TLE2: variants seen among roughly 807,000 people sequenced by gnomAD.
The protein encoded by TLE2 is TLE family member 2, transcriptional corepressor, also known as transducin-like enhancer protein 2.
A neutral mutation model predicts 97.2 loss-of-function variants in TLE2; 74 were observed. The ratio of observed to expected loss-of-function variants is 0.76; its 90% CI spans 0.63 to 0.92. The LOEUF is 0.92. Among genes scored for constraint, TLE2 ranks in the 40% least tolerant of loss-of-function variants. The pLI is 0.00. For missense variants in TLE2, 1,038 were observed against 1,008.7 expected (o/e 1.03, Z -0.39); for synonymous variants, 499 against 432.1 (o/e 1.15, Z -1.92).
intron 4 of TLE2, 181 bp from the exon 5 acceptor site, chr19:3,025,263 G>T (rs918526369): frequency 3.9e-5 from 43 of 1,115,056 alleles, no homozygotes; most frequent in Non-Finnish European, 5.1e-5. Context: ...GCCCCACCAG[G>T]CTGCGTGCTC....
At chr19:3,029,437 G>A (rs2090002572), upstream of TLE2, 1 of 932,096 alleles carries the variant, frequency 1.1e-6, no homozygotes, top group Non-Finnish European at 1.3e-6. Context: ...GGGCCGTTGG[G>A]GAAACTGAGG....
In TLE2 at chr19:3,019,269, T is replaced by A; in HGVS notation, c.550+14A>T. On this transcript the variant is annotated intron_variant, in intron 7 of 19. Coordinates refer to ENST00000262953, the MANE Select transcript of TLE2 (RefSeq NM_003260.5). The surrounding 1 kb of genome is among the most constrained non-coding windows in gnomAD (Gnocchi z 5.1). ...CGTCTCCCCAGCCAATGCCACCCCGTGCTGCCCACTCACCTCTGGACCCCT... is the reference window on the plus strand; with the variant it reads ...CGTCTCCCCAGCCAATGCCACCCCGAGCTGCCCACTCACCTCTGGACCCCT... 6.4e-7 allele frequency: 1 copy of A among 1,568,148 alleles called. No individual in the cohort carries two copies. Among genetic ancestry groups the A allele is most frequent in the Non-Finnish European group, 8.6e-7 (1 of 1,165,366 alleles).
At chr19:3,014,748 C>T (rs1272166388) in intron 9 of TLE2, 134 bp from the exon 10 acceptor site, 4 of 828,308 alleles carry the variant, frequency 4.8e-6, no homozygotes, top group Middle Eastern at 2.5e-4. Flanking sequence ...CCACTGCACC[C>T]GTTTGCTCAT....
At position 3,021,729 on chromosome 19, in the gene TLE2, C is replaced by T. The variant is rs562519067; in HGVS notation, c.295-1956G>A. On this transcript the variant is annotated intron_variant, in intron 5 of 19. Coordinates refer to ENST00000262953, the MANE Select transcript of TLE2 (RefSeq NM_003260.5). ...TCCCAAGTAGGTGAGATTACAGGTG[C>T]GCACCACCACACCCAACTAATTTTC... 7.3e-5 allele frequency among the ~76,000 whole-genome samples: 11 copies of T among 151,678 alleles called. No homozygotes were observed. In the East Asian group the frequency reaches 1.0e-3, roughly 14 times the overall value.
chr19:3,024,409 T>C (rs937439336), intron 5 of TLE2, among the ~76,000 whole-genome samples: 5 of 152,024 alleles, frequency 3.3e-5, no homozygotes, highest in Admixed American at 2.6e-4. Flanking sequence ...AATTTTCCCA[T>C]CTTCCCAAAC....
In TLE2 at chr19:3,025,355, A is replaced by G. The variant is rs962838555; in HGVS notation, c.232-273T>C. 3.4e-5 allele frequency: 42 copies of G among 1,230,094 alleles called. 1 individual carries two copies. Among genetic ancestry groups the G allele is most frequent in the Non-Finnish European group, 3.8e-5 (37 of 983,198 alleles). The allele number at this position is 1,230,094 out of a possible 1,614,324, so 76.2% of individuals were successfully genotyped here. ...GAGTCACAGATACACCACCCGCCAG[A>G]CGCACACCCGCCAGGGATTTGCAGG... On this transcript the variant is annotated intron_variant, in intron 4 of 19. Transcript: ENST00000262953.
chr19:3,015,653 A>C lies in TLE2; in HGVS notation c.678T>G (p.Tyr226Ter). 4.4e-6 allele frequency: 7 copies of C among 1,605,646 alleles called. No individual in the cohort carries two copies. Among genetic ancestry groups the C allele is most frequent in the Non-Finnish European group, 5.9e-6 (7 of 1,176,796 alleles). The change falls in exon 9 of 20, where the codon TAT becomes TAG. Residue 226 changes from tyrosine to a stop codon, truncating the protein, a stop_gained and splice_region_variant. Coordinates refer to ENST00000262953, the MANE Select transcript of TLE2 (RefSeq NM_003260.5). LOFTEE classifies it high-confidence loss of function. Reference sequence around the variant, plus strand: ...CAGTCCTGCACCTGCCCCCACTCACATAAGGTCCTGATGGCTCCTTCTCAT... The same window carrying C: ...CAGTCCTGCACCTGCCCCCACTCACCTAAGGTCCTGATGGCTCCTTCTCAT... ...RADEKEPSGP[Y>*]ESDEDKSDYN... is the part of the protein sequence containing the mutation.
In TLE2 at chr19:3,013,760, C is replaced by A; in HGVS notation, c.782G>T (p.Cys261Phe). Reference protein sequence around the residue: ...ATTPCGKVPICIPARRDLVDS... With the variant: ...ATTPCGKVPIFIPARRDLVDS... ...CACCAGGTCCCGACGGGCAGGAATG[C>A]AGATGGGTACCTTTCCGCAGGGGGT... Residue 261 changes from cysteine (C) to phenylalanine (F), a missense_variant, in exon 11 of 20, where the codon TGC becomes TTC. Coordinates refer to ENST00000262953, the MANE Select transcript of TLE2 (RefSeq NM_003260.5). 6.4e-7 allele frequency: 1 copy of A among 1,561,762 alleles called. No homozygotes were observed. The highest frequency in any genetic ancestry group is 8.6e-7 in the Non-Finnish European group (1 of 1,156,258).
At position 3,005,911 on chromosome 19, in the gene TLE2, C is replaced by G; in HGVS notation, c.1558G>C (p.Val520Leu). 6.2e-7 allele frequency: 1 copy of G among 1,613,312 alleles called. No individual in the cohort carries two copies. The highest frequency in any genetic ancestry group is 8.5e-7 in the Non-Finnish European group (1 of 1,179,418). Residue 520 changes from valine to leucine, a missense_variant, in exon 16 of 20, where the codon GTG becomes CTG. Physicochemically the swap from Val to Leu is conservative, Grantham distance 32. Coordinates refer to ENST00000262953, the MANE Select transcript of TLE2 (RefSeq NM_003260.5). ...KLLPDGRSLI[V>L]GGEASTLSIW... The stretch of plus-strand genomic sequence containing the variant: ...GACAAGGTGCTGGCCTCACCGCCCA[C>G]GATCAGACTCCGGCCATCCGGCAGC...
At position 3,006,683 on chromosome 19, in the gene TLE2, C is replaced by G; in HGVS notation, c.1251-14G>C. 1.3e-6 allele frequency: 2 copies of G among 1,573,958 alleles called. No individual in the cohort carries two copies. The highest frequency in any genetic ancestry group is 8.6e-7 in the Non-Finnish European group (1 of 1,157,202). On this transcript the variant is annotated splice_polypyrimidine_tract_variant and intron_variant, in intron 14 of 19. Coordinates refer to ENST00000262953, the MANE Select transcript of TLE2 (RefSeq NM_003260.5). ...AAGGAGTAGGCCCTGGAGAGAAAGC[C>G]GGGGCATGACCCAGCCCTGGGCACC... is the stretch of plus-strand genomic sequence containing the variant.
intron 1 of TLE2, among the ~76,000 whole-genome samples, chr19:3,039,625 C>T (rs956891133): frequency 5.3e-4 from 81 of 152,188 alleles, no homozygotes; most frequent in African/African-American, 1.9e-3. Context: ...ATACTATCTG[C>T]TCCCTCCTGT....
upstream of TLE2, among the ~76,000 whole-genome samples, chr19:3,046,588 C>A (rs527462839): frequency 6.2e-4 from 94 of 151,374 alleles, 1 homozygote; most frequent in African/African-American, 2.1e-3. Flanking sequence ...CACCCCCCAC[C>A]CCACCTCCGC....
chr19:3,035,626 G>A (rs1385701533), intron 1 of TLE2, among the ~76,000 whole-genome samples: 1 of 152,168 alleles, frequency 6.6e-6, no homozygotes, highest in African/African-American at 2.4e-5. Flanking sequence ...CAGCTACTGT[G>A]GAAATTCCTT....
In TLE2 at chr19:3,005,524, C is replaced by T; in HGVS notation, c.1809G>A (p.Arg603=). ...TGTTGTCCAGGCCCCCTGTCCAGAGCCGAGTGCCGTAATCGGAAATATCAA... is the reference window on the plus strand; with the variant it reads ...TGTTGTCCAGGCCCCCTGTCCAGAGTCGAGTGCCGTAATCGGAAATATCAA... ...SCIDISDYGT[R]LWTGGLDNTV... Residue 603 remains arginine, a synonymous_variant, in exon 17 of 20, where the codon CGG becomes CGA. Coordinates refer to ENST00000262953, the MANE Select transcript of TLE2 (RefSeq NM_003260.5). 3 of 1,613,710 alleles carry T rather than the reference C, an allele frequency of 1.9e-6. No individual in the cohort carries two copies. The highest frequency in any genetic ancestry group is 2.5e-6 in the Non-Finnish European group (3 of 1,179,814).
At chr19:3,021,456 C>T (rs1464631758) in intron 5 of TLE2, among the ~76,000 whole-genome samples, 1 of 152,074 alleles carries the variant, frequency 6.6e-6, no homozygotes, top group Non-Finnish European at 1.5e-5. Context: ...CACACAGAAG[C>T]CACTGGCCAT....
In TLE2 at chr19:3,015,716, T is replaced by C; in HGVS notation, c.615A>G (p.Arg205=). ...SPPESLVEEE[R]PSGPGGGGKQ... Reference sequence around the variant, plus strand: ...TCCCGCCACCACCAGGGCCACTCGGTCGCTCCTCCTCCACGAGACTCTCAG... The same window carrying C: ...TCCCGCCACCACCAGGGCCACTCGGCCGCTCCTCCTCCACGAGACTCTCAG... Residue 205 remains arginine (R), a synonymous_variant, in exon 9 of 20, where the codon CGA becomes CGG. Transcript: ENST00000262953. 6.2e-7 allele frequency: 1 copy of C among 1,611,482 alleles called. No homozygotes were observed. Among genetic ancestry groups the C allele is most frequent in the Non-Finnish European group, 8.5e-7 (1 of 1,179,324 alleles).
intron 15 of TLE2, 57 bp downstream of exon 15, chr19:3,006,363 A>G: frequency 1.9e-6 from 3 of 1,574,522 alleles, no homozygotes; most frequent in Non-Finnish European, 2.6e-6. Flanking sequence ...GCCCCATTGG[A>G]ACATAAGCCC....
intron 18 of TLE2, among the ~76,000 whole-genome samples, chr19:3,001,203 G>A (rs1376530065): frequency 1.3e-5 from 2 of 151,732 alleles, no homozygotes; most frequent in Non-Finnish European, 2.9e-5. Flanking sequence ...AACCCAGGAC[G>A]CAGAGGTTGC....
At position 3,014,676 on chromosome 19, in the gene TLE2, C is replaced by T. The variant is rs752006433; in HGVS notation, c.679-62G>A. 1.6e-5 allele frequency: 24 copies of T among 1,456,976 alleles called. No homozygotes were observed. In the African/African-American group the frequency reaches 2.3e-4, roughly 14 times the overall value. The allele number at this position is 1,456,976 out of a possible 1,614,324, so 90.3% of individuals were successfully genotyped here. On this transcript the variant is annotated intron_variant, in intron 9 of 19. Coordinates refer to ENST00000262953, the MANE Select transcript of TLE2 (RefSeq NM_003260.5). ...TGCCCCTGCCTCCACACCCCCTATC[C>T]GCTCCTCAGGAGTTGGAGGCATGAG...
Sources: allele counts gnomAD v4.1 joint callset (sites outside exome capture counted in the v4.1 genomes callset), GRCh38; gene constraint gnomAD v4.1.1; non-coding constraint Gnocchi (gnomAD v3.1); transcripts MANE v1.5; gene names NCBI Gene and HGNC (gene_info 2026-07-23, HGNC 2026-07-21).